Variants in BACH2 observed in about 807,000 individuals in gnomAD.
The protein encoded by BACH2 is BACH transcriptional regulator 2.
Under a neutral mutation model 61.8 loss-of-function variants are expected in BACH2, and 5 were observed. The observed-to-expected ratio is 0.08, with a 90% CI of 0.04 to 0.17. The LOEUF is 0.17. Ranked by LOEUF, BACH2 falls within the 10% of genes least tolerant of loss-of-function variation. The probability of loss-of-function intolerance (pLI) is 1.00; values close to 1 mark genes in which losing one functional copy is unlikely to be tolerated. For synonymous variants in BACH2, 446 were observed against 440.1 expected, an observed-to-expected ratio of 1.01 and a Z score of -0.17; for missense variants, 824 against 1,091.1, an observed-to-expected ratio of 0.76 and a Z score of 3.45.
rs114880124 is a variant in BACH2 at position 90,048,282 on chromosome 6, C to T, written c.-12-39426G>A. On this transcript the variant is annotated intron_variant, in intron 5 of 8. Transcript: ENST00000257749. Reference sequence around the variant, plus strand: ...TTGCTAGAACTACAGGTGTGCATAACCATGTGCAGCTAATTTTTGTGTTTT... The same window carrying T: ...TTGCTAGAACTACAGGTGTGCATAATCATGTGCAGCTAATTTTTGTGTTTT... Among the ~76,000 whole-genome samples, 831 of 152,244 alleles carry T rather than the reference C, an allele frequency of 5.5e-3. 8 individuals carry two copies. Among genetic ancestry groups the T allele is most frequent in the African/African-American group, 0.019 (788 of 41,550 alleles).
At chr6:90,182,554 G>A (rs1279752219) in intron 4 of BACH2, among the ~76,000 whole-genome samples, 2 of 152,186 alleles carry the variant, frequency 1.3e-5, no homozygotes, top group African/African-American at 2.4e-5. Flanking sequence ...GACCTCATGA[G>A]TATGGTCTCA....
chr6:90,012,279 T>G (rs1441415002), intron 5 of BACH2, among the ~76,000 whole-genome samples: 1 of 152,160 alleles, frequency 6.6e-6, no homozygotes, highest in African/African-American at 2.4e-5. Flanking sequence ...ACTGCCATCT[T>G]AACAATAATG....
chr6:90,271,337 C>A, intron 2 of BACH2, among the ~76,000 whole-genome samples: 1 of 89,486 alleles, frequency 1.1e-5, no homozygotes. Flanking sequence ...ACAAGGAACT[C>A]AAATCAGCAA....
intron 4 of BACH2, among the ~76,000 whole-genome samples, chr6:90,137,689 G>A (rs1312950986): frequency 6.6e-6 from 1 of 152,102 alleles, no homozygotes; most frequent in Admixed American, 6.5e-5. Context: ...ATTTTTATGT[G>A]GCTTTTACGG....
At chr6:90,117,326 G>T (rs1274573582) in intron 4 of BACH2, among the ~76,000 whole-genome samples, 1 of 152,088 alleles carries the variant, frequency 6.6e-6, no homozygotes, top group African/African-American at 2.4e-5. Context: ...TTCTCATCTG[G>T]GATTGACAGG....
chr6:90,286,038 T>G (rs541581342), intron 1 of BACH2, among the ~76,000 whole-genome samples: 1 of 152,318 alleles, frequency 6.6e-6, no homozygotes, highest in East Asian at 1.9e-4. Context: ...TAATTAATCA[T>G]GGTAATAAAC....
chr6:89,932,009 T>G lies in BACH2; in HGVS notation c.*399A>C, dbSNP rs1772680603. The G allele has an allele frequency of 6.3e-6, 1 of 159,780 alleles. No individual in the cohort carries two copies. The highest frequency in any genetic ancestry group is 1.4e-5 in the Non-Finnish European group (1 of 72,230). 9.9% of individuals were successfully genotyped at this position (159,780 alleles called of 1,614,324 possible). The stretch of plus-strand genomic sequence containing the variant: ...GTACAGTCTAGCTATAAAACTTTGA[T>G]GTGTATAGAAGCTGTCTTCAATGAA... On this transcript the variant is annotated 3_prime_UTR_variant, in exon 9 of 9. Transcript: ENST00000257749.
At chr6:90,243,045 A>T (rs78841472) in intron 3 of BACH2, among the ~76,000 whole-genome samples, 1 of 135,586 alleles carries the variant, frequency 7.4e-6, no homozygotes, top group African/African-American at 2.7e-5. Flanking sequence ...ATGCCCGGCT[A>T]ATTTTTTTTT....
rs1213312591 is a variant in BACH2, at chr6:89,946,413, G to A, written c.1836+3857C>T. ...CTACAACATTTTGGGTAGGTCATTAGGTAGTATTTAATAAATGGGCACAAC... is the reference window on the plus strand; with the variant it reads ...CTACAACATTTTGGGTAGGTCATTAAGTAGTATTTAATAAATGGGCACAAC... On this transcript the variant is annotated intron_variant, in intron 7 of 8. Transcript: ENST00000257749. 2.0e-5 allele frequency among the ~76,000 whole-genome samples: 3 copies of A among 152,120 alleles called. No homozygotes were observed. In the East Asian group the frequency reaches 5.8e-4, roughly 29 times the overall value.
intron 4 of BACH2, among the ~76,000 whole-genome samples, chr6:90,109,399 G>GCTC (rs1189864212): frequency 6.6e-6 from 1 of 151,948 alleles, no homozygotes; most frequent in East Asian, 1.9e-4. Flanking sequence ...GTCCTCCTCT[G>GCTC]CTCCTCCTCC....
chr6:90,225,115 T>C (rs1769868690), intron 3 of BACH2, among the ~76,000 whole-genome samples: 1 of 152,142 alleles, frequency 6.6e-6, no homozygotes, highest in South Asian at 2.1e-4. Flanking sequence ...TTGGGCATGC[T>C]GGCTCACACC....
chr6:89,952,071 A>G (rs1345533723), intron 6 of BACH2: 2 of 605,740 alleles, frequency 3.3e-6, no homozygotes, highest in Non-Finnish European at 5.7e-6. Context: ...ACTCCATCAC[A>G]GCACAGGCAG....
chr6:90,244,734 T>C (rs1209675289), intron 3 of BACH2, among the ~76,000 whole-genome samples: 1 of 152,238 alleles, frequency 6.6e-6, no homozygotes, highest in Non-Finnish European at 1.5e-5. Flanking sequence ...ATCCCATGTT[T>C]ACCTACTGCA....
At chr6:90,239,925 A>G (rs924526283) in intron 3 of BACH2, among the ~76,000 whole-genome samples, 3 of 152,136 alleles carry the variant, frequency 2.0e-5, no homozygotes, top group Non-Finnish European at 4.4e-5. Context: ...AACAGTAGGA[A>G]AAACGAACAC....
chr6:90,262,070 T>C (rs146244977), intron 2 of BACH2, among the ~76,000 whole-genome samples: 1 of 152,318 alleles, frequency 6.6e-6, no homozygotes, highest in East Asian at 1.9e-4. Flanking sequence ...TTCCTGAAGT[T>C]GTTCCCCACT....
At chr6:90,255,976 C>T (rs1009716694) in intron 2 of BACH2, among the ~76,000 whole-genome samples, 2 of 152,196 alleles carry the variant, frequency 1.3e-5, no homozygotes, top group Admixed American at 1.3e-4. Flanking sequence ...ACTGAAAAGA[C>T]ATTTTCCAAC....
intron 4 of BACH2, among the ~76,000 whole-genome samples, chr6:90,152,849 G>A (rs1437862342): frequency 3.3e-5 from 5 of 152,088 alleles, no homozygotes; most frequent in Non-Finnish European, 5.9e-5. Flanking sequence ...CAGTTATAGC[G>A]CTAACATTTC....
chr6:90,098,693 A>G (rs1782486515), intron 4 of BACH2, among the ~76,000 whole-genome samples: 1 of 152,176 alleles, frequency 6.6e-6, no homozygotes, highest in South Asian at 2.1e-4. Context: ...ATCTCTTGTA[A>G]AAGAACTCCA....
At position 89,950,202 on chromosome 6, in the gene BACH2, G is replaced by T; in HGVS notation, c.1836+68C>A. On this transcript the variant is annotated intron_variant, in intron 7 of 8. Transcript: ENST00000257749. The surrounding 1 kb of genome is among the most constrained non-coding windows in gnomAD (Gnocchi z 5.3). Reference sequence around the variant, plus strand: ...AAGAACAATGTGGGAGTGGTGGGGGGCAGGGAGTAGTCCAGATAAAGGGCC... The same window carrying T: ...AAGAACAATGTGGGAGTGGTGGGGGTCAGGGAGTAGTCCAGATAAAGGGCC... 6.5e-7 allele frequency: 1 copy of T among 1,545,820 alleles called. No individual in the cohort carries two copies.
Sources: allele counts gnomAD v4.1 joint callset (sites outside exome capture counted in the v4.1 genomes callset), GRCh38; gene constraint gnomAD v4.1.1; non-coding constraint Gnocchi (gnomAD v3.1); transcripts MANE v1.5; gene names NCBI Gene and HGNC (gene_info 2026-07-23, HGNC 2026-07-21).